CGNL1: variants seen among roughly 807,000 people sequenced by gnomAD.
CGNL1 encodes cingulin like 1.
CGNL1 carries 132 observed loss-of-function variants against 141.2 expected under a neutral mutation model. That is an observed-to-expected ratio of 0.93 (90% CI 0.81 to 1.08). The LOEUF is 1.08. CGNL1 is among the 50% of genes least tolerant of loss of function. The probability of loss-of-function intolerance (pLI) is 0.00; values close to 1 mark genes in which losing one functional copy is unlikely to be tolerated. For missense variants in CGNL1, 1,870 were observed against 1,588.6 expected, an observed-to-expected ratio of 1.18 and a Z score of -3.01; for synonymous variants, 690 against 622.1, an observed-to-expected ratio of 1.11 and a Z score of -1.63.
At chr15:57,513,585 A>G (rs1199105122) in intron 8 of CGNL1, among the ~76,000 whole-genome samples, 1 of 151,842 alleles carries the variant, frequency 6.6e-6, no homozygotes, top group African/African-American at 2.4e-5. Context: ...CAATGGTGTG[A>G]TCTTGGCTCA....
intron 13 of CGNL1, among the ~76,000 whole-genome samples, chr15:57,529,166 A>G (rs1163128041): frequency 3.3e-5 from 5 of 152,200 alleles, no homozygotes; most frequent in African/African-American, 1.2e-4. Context: ...ACTAGAAGGA[A>G]CCAGACTGCT....
intron 8 of CGNL1, among the ~76,000 whole-genome samples, chr15:57,486,845 A>C (rs530244444): frequency 6.6e-6 from 1 of 152,314 alleles, no homozygotes; most frequent in South Asian, 2.1e-4. Flanking sequence ...AGCTGCTTGC[A>C]ATAGTTGCAT....
At chr15:57,471,706 AG>A (rs2063583842) in intron 8 of CGNL1, among the ~76,000 whole-genome samples, 1 of 152,214 alleles carries the variant, frequency 6.6e-6, no homozygotes, top group Non-Finnish European at 1.5e-5. Flanking sequence ...AACAGTGATG[AG>A]GAAAATAGGC....
intron 14 of CGNL1, among the ~76,000 whole-genome samples, chr15:57,538,480 C>G (rs200050856): frequency 6.6e-6 from 1 of 151,884 alleles, no homozygotes; most frequent in African/African-American, 2.4e-5. Context: ...TTTTGCCCCC[C>G]TTTGGAGAGT....
intron 14 of CGNL1, among the ~76,000 whole-genome samples, chr15:57,532,490 T>A (rs2032004590): frequency 6.6e-6 from 1 of 152,238 alleles, no homozygotes; most frequent in African/African-American, 2.4e-5. Flanking sequence ...CAAAAGCCTT[T>A]GGATAATACT....
At chr15:57,456,315 G>A (rs1460263821) in intron 7 of CGNL1, among the ~76,000 whole-genome samples, 1 of 152,072 alleles carries the variant, frequency 6.6e-6, no homozygotes, top group African/African-American at 2.4e-5. Context: ...CCCAAGTTTT[G>A]CAAGTCCTGC....
intron 8 of CGNL1, among the ~76,000 whole-genome samples, chr15:57,512,738 C>T (rs1478421476): frequency 1.3e-5 from 2 of 152,112 alleles, no homozygotes; most frequent in East Asian, 3.9e-4. Context: ...TTTCAGTATC[C>T]TCATTCTTCC....
intron 8 of CGNL1, among the ~76,000 whole-genome samples, chr15:57,466,355 T>C (rs953743663): frequency 1.2e-4 from 19 of 152,166 alleles, no homozygotes; most frequent in African/African-American, 4.6e-4. Flanking sequence ...GGGAGTAAAA[T>C]TAACCTTGTT....
At chr15:57,528,596 G>A in intron 12 of CGNL1, 58 bp from the exon 13 acceptor site, 6 of 1,575,906 alleles carry the variant, frequency 3.8e-6, no homozygotes, top group Non-Finnish European at 5.2e-6. Flanking sequence ...ACTGTCTGTG[G>A]AGGTCTCTAT....
At chr15:57,544,744 AT>A in intron 16 of CGNL1, 147 bp downstream of exon 16, 2 of 999,362 alleles carry the variant, frequency 2.0e-6, no homozygotes, top group Non-Finnish European at 2.9e-6. Flanking sequence ...TATTATTTCC[AT>A]TTTATAGGTG....
At position 57,498,245 on chromosome 15, in the gene CGNL1, G is replaced by GTTTTTTTTTTTTT. The variant is rs56793548; in HGVS notation, c.2404-18527_2404-18515dup. Among the ~76,000 whole-genome samples the GTTTTTTTTTTTTT allele has an allele frequency of 7.9e-5, 8 of 101,080 alleles. 1 individual carries two copies. The South Asian group carries it at 1.3e-3, about 16-fold the overall frequency. The allele number at this position is 101,080 out of a possible 152,430, so 66.3% of individuals were successfully genotyped here. A position where few individuals can be genotyped will look rare whatever the true frequency, so the allele number is the denominator to read the frequency against. ...CATACTTAGGTTGATTGGGGAAACA[G>GTTTTTTTTTTTTT]TTTTTTTTTTTTTTTTTTTTGGAGA... On this transcript the variant is annotated intron_variant, in intron 8 of 18. Coordinates refer to ENST00000281282, the MANE Select transcript of CGNL1 (RefSeq NM_032866.5).
chr15:57,452,688 G>T (rs1158657774), intron 6 of CGNL1, among the ~76,000 whole-genome samples: 1 of 139,212 alleles, frequency 7.2e-6, no homozygotes, highest in Non-Finnish European at 1.6e-5. Context: ...ATCCTCGATG[G>T]TGCTGGTGTT....
chr15:57,382,132 C>T (rs16977428), intron 1 of CGNL1, among the ~76,000 whole-genome samples: 24,254 of 152,008 alleles, frequency 0.16, 2,677 homozygotes, highest in East Asian at 0.49. Flanking sequence ...GTGGTACTCG[C>T]GACAAAAACA....
intron 14 of CGNL1, among the ~76,000 whole-genome samples, chr15:57,533,393 C>A (rs1393537988): frequency 6.6e-6 from 1 of 152,174 alleles, no homozygotes; most frequent in South Asian, 2.1e-4. Flanking sequence ...TAAGTTCTCT[C>A]ACTGGAATAA....
At chr15:57,424,807 G>A (rs73417999) in intron 1 of CGNL1, among the ~76,000 whole-genome samples, 15,368 of 152,218 alleles carry the variant, frequency 0.1, 848 homozygotes, top group Middle Eastern at 0.19. Context: ...TACAAGGTAG[G>A]TAACATCTGT....
chr15:57,457,335 C>T (rs2063392283), intron 7 of CGNL1, among the ~76,000 whole-genome samples: 1 of 152,176 alleles, frequency 6.6e-6, no homozygotes, highest in African/African-American at 2.4e-5. Context: ...CGTGGGGTGG[C>T]CACTTGCTGC....
At chr15:57,415,342 T>C (rs1189244546) in intron 1 of CGNL1, among the ~76,000 whole-genome samples, 7 of 152,092 alleles carry the variant, frequency 4.6e-5, no homozygotes, top group Non-Finnish European at 8.8e-5. Context: ...AGAGTCCTTA[T>C]ATGGGAGACA....
intron 8 of CGNL1, among the ~76,000 whole-genome samples, chr15:57,463,433 A>G (rs2063470619): frequency 1.3e-5 from 2 of 152,232 alleles, no homozygotes; most frequent in Non-Finnish European, 2.9e-5. Context: ...TTCAAGAGCG[A>G]CAACTACATT....
chr15:57,480,949 C>A (rs1446847669), intron 8 of CGNL1, among the ~76,000 whole-genome samples: 4 of 151,914 alleles, frequency 2.6e-5, no homozygotes, highest in Non-Finnish European at 5.9e-5. Flanking sequence ...TCCCCCAAAT[C>A]ATTCCTTAAT....
Sources: gnomAD v4.1 joint callset for allele counts (sites outside exome capture counted in the v4.1 genomes callset) on GRCh38, gnomAD v4.1.1 for gene constraint, MANE v1.5 for transcripts, NCBI Gene and HGNC (gene_info 2026-07-23, HGNC 2026-07-21) for gene names.